Variants in CLMN observed in about 807,000 individuals in gnomAD.
CLMN encodes the protein calmin.
In CLMN, 57 loss-of-function variants were observed where a neutral mutation model predicts 92.7. That is an observed-to-expected ratio of 0.61 (90% CI 0.50 to 0.77). The LOEUF (loss-of-function observed/expected upper bound fraction) is 0.77, where lower values mean the gene tolerates loss of function less well. CLMN is among the 30% of genes least tolerant of loss of function. The pLI, the probability that CLMN is intolerant of heterozygous loss-of-function variation, is 0.00. For missense variants in CLMN, 1,158 were observed against 1,237.5 expected, an observed-to-expected ratio of 0.94 and a Z score of 0.96; for synonymous variants, 466 against 470.6, an observed-to-expected ratio of 0.99 and a Z score of 0.13.
At chr14:95,199,028 C>T (rs1479421603) in intron 9 of CLMN, 2 of 152,328 alleles carry the variant, frequency 1.3e-5, no homozygotes, top group African/African-American at 4.8e-5. Context: ...GCCGTGGTCC[C>T]TGGCACCTGC....
At chr14:95,297,267 T>A (rs1441906805) in intron 1 of CLMN, among the ~76,000 whole-genome samples, 5 of 152,206 alleles carry the variant, frequency 3.3e-5, no homozygotes, top group Non-Finnish European at 4.4e-5. Flanking sequence ...TGGCCACTTT[T>A]GTGCAGTCCT....
intron 1 of CLMN, among the ~76,000 whole-genome samples, chr14:95,311,323 T>G (rs533517687): frequency 1.2e-4 from 18 of 152,170 alleles, no homozygotes; most frequent in African/African-American, 4.3e-4. Context: ...GTTATAAATA[T>G]CGCAAAGCCT....
At chr14:95,250,152 C>A (rs902668485) in intron 1 of CLMN, among the ~76,000 whole-genome samples, 17 of 152,248 alleles carry the variant, frequency 1.1e-4, no homozygotes, top group Non-Finnish European at 2.4e-4. Flanking sequence ...GGCCCCAGAA[C>A]TGGGCCAGGC....
intron 1 of CLMN, among the ~76,000 whole-genome samples, chr14:95,311,394 C>T: frequency 6.6e-6 from 1 of 152,126 alleles, no homozygotes; most frequent in East Asian, 1.9e-4. Flanking sequence ...CCTCCACCAT[C>T]GGAGCCTGGG....
chr14:95,243,128 G>A (rs984785617), intron 1 of CLMN, among the ~76,000 whole-genome samples: 6 of 152,198 alleles, frequency 3.9e-5, no homozygotes, highest in Non-Finnish European at 7.3e-5. Flanking sequence ...GGCCTACTTT[G>A]CCAAACCCTG....
intron 1 of CLMN, among the ~76,000 whole-genome samples, chr14:95,278,548 C>T (rs1900022642): frequency 6.6e-6 from 1 of 152,024 alleles, no homozygotes; most frequent in Admixed American, 6.6e-5. Context: ...CTCATGGAAC[C>T]CCAGAAATTG....
intron 8 of CLMN, among the ~76,000 whole-genome samples, chr14:95,205,306 T>G (rs1441673649): frequency 6.6e-6 from 1 of 152,096 alleles, no homozygotes; most frequent in African/African-American, 2.4e-5. Context: ...TTACAAGACA[T>G]GAAGAGGCAG....
chr14:95,221,271 T>C (rs1595585878), intron 4 of CLMN, among the ~76,000 whole-genome samples: 1 of 152,196 alleles, frequency 6.6e-6, no homozygotes, highest in South Asian at 2.1e-4. Context: ...ATTTTGTAAC[T>C]TTTTTCCCCT....
At chr14:95,279,249 C>T (rs142382896) in intron 1 of CLMN, among the ~76,000 whole-genome samples, 1,827 of 152,270 alleles carry the variant, frequency 0.012, 8 homozygotes, top group Middle Eastern at 0.027. Context: ...ATAAAAATAT[C>T]TTCAAAATGT....
intron 2 of CLMN, among the ~76,000 whole-genome samples, chr14:95,224,957 C>T (rs1009585356): frequency 1.3e-5 from 2 of 152,176 alleles, no homozygotes; most frequent in South Asian, 2.1e-4. Flanking sequence ...TGGCAGGACA[C>T]AGCTGGCCTG....
chr14:95,230,062 G>A lies in CLMN; in HGVS notation c.144+10C>T, dbSNP rs766235175. The A allele has an allele frequency of 6.2e-7, 1 of 1,613,666 alleles. No homozygotes were observed. The highest frequency in any genetic ancestry group is 2.2e-5 in the East Asian group (1 of 44,884). On this transcript the variant is annotated intron_variant, in intron 2 of 12. Transcript: ENST00000298912. ...TCTATCACTTAGCAAACACCCAAGTGCGCCATTACCTTTTCTAGATGTAGA... is the reference window on the plus strand; with the variant it reads ...TCTATCACTTAGCAAACACCCAAGTACGCCATTACCTTTTCTAGATGTAGA...
chr14:95,213,779 G>T (rs959876252), intron 5 of CLMN, among the ~76,000 whole-genome samples: 5 of 152,018 alleles, frequency 3.3e-5, no homozygotes, highest in African/African-American at 1.2e-4. Flanking sequence ...CATTGCTTCT[G>T]CTCATCCTGC....
intron 1 of CLMN, among the ~76,000 whole-genome samples, chr14:95,254,877 TA>T (rs141383216): frequency 4.8e-4 from 73 of 152,294 alleles, no homozygotes; most frequent in Middle Eastern, 3.4e-3. Flanking sequence ...GTTTCTTTTG[TA>T]GAGACAGGGT....
intron 1 of CLMN, among the ~76,000 whole-genome samples, chr14:95,277,519 G>C (rs1378057250): frequency 6.6e-6 from 1 of 151,946 alleles, no homozygotes; most frequent in Non-Finnish European, 1.5e-5. Context: ...CAGTTAAAAG[G>C]CTTTGCAAGC....
rs750932220 is a variant in CLMN at position 95,203,472 on chromosome 14, A to G, written c.1877T>C (p.Met626Thr). ...GTCCTGATGAGGTTCATGTTTGTCC[A>G]TCTTAACTTGAGGCTCTGGCGAATC... Reference protein sequence around the residue: ...KKDSPEPQVKMDKHEPHQDSG... With the variant: ...KKDSPEPQVKTDKHEPHQDSG... Residue 626 changes from methionine to threonine, a missense_variant, in exon 9 of 13, where the codon ATG (methionine) becomes ACG (threonine). Transcript: ENST00000298912. The G allele has an allele frequency of 1.9e-5, 30 of 1,614,078 alleles. No individual in the cohort carries two copies. Among genetic ancestry groups the G allele is most frequent in the Non-Finnish European group, 2.5e-5 (30 of 1,180,022 alleles).
chr14:95,198,459 G>A (rs929613374), intron 9 of CLMN, among the ~76,000 whole-genome samples: 1 of 151,898 alleles, frequency 6.6e-6, no homozygotes, highest in Admixed American at 6.6e-5. Flanking sequence ...CTCATCAAAC[G>A]GGCTGTACCC....
intron 1 of CLMN, among the ~76,000 whole-genome samples, chr14:95,257,598 C>G (rs931039124): frequency 1.3e-5 from 2 of 152,240 alleles, no homozygotes; most frequent in Admixed American, 6.5e-5. Flanking sequence ...AGGCACACAC[C>G]TGGTTTAATT....
intron 1 of CLMN, among the ~76,000 whole-genome samples, chr14:95,268,374 G>GT (rs1254085609): frequency 7.5e-6 from 1 of 133,918 alleles, no homozygotes; most frequent in Non-Finnish European, 1.6e-5. Context: ...ATTATGCTAT[G>GT]TAAAAAAAAA....
rs1896476477 is a variant in CLMN, at chr14:95,187,852, C to T, written c.*3712G>A. 2 of 152,202 alleles carry T rather than the reference C, an allele frequency of 1.3e-5. No homozygotes were observed. Among genetic ancestry groups the T allele is most frequent in the Admixed American group, 6.5e-5 (1 of 15,280 alleles). The allele number at this position is 152,202 out of a possible 1,614,324, so 9.4% of individuals were successfully genotyped here. On this transcript the variant is annotated 3_prime_UTR_variant, in exon 13 of 13. Coordinates refer to ENST00000298912, the MANE Select transcript of CLMN (RefSeq NM_024734.4). The stretch of plus-strand genomic sequence containing the variant: ...TTGTTCCTCGAGCATTGTCCAAGCT[C>T]AGAGCTGGGTATGTCTGGAGGAAGG...
Sources: allele counts gnomAD v4.1 joint callset (sites outside exome capture counted in the v4.1 genomes callset), GRCh38; gene constraint gnomAD v4.1.1; transcripts MANE v1.5; gene names NCBI Gene and HGNC (gene_info 2026-07-23, HGNC 2026-07-21).